FGF14: variants seen among roughly 807,000 people sequenced by gnomAD.
FGF14 encodes fibroblast growth factor homologous factor 4.
In FGF14, 5 loss-of-function variants were observed where a neutral mutation model predicts 25.5. That is an observed-to-expected ratio of 0.20 (90% CI 0.10 to 0.41). The LOEUF (loss-of-function observed/expected upper bound fraction) is 0.41. FGF14 is among the 10% of genes least tolerant of loss of function. FGF14 has a pLI of 1.00. For synonymous variants in FGF14, 138 were observed against 118.3 expected, an observed-to-expected ratio of 1.17 and a Z score of -1.08; for missense variants, 222 against 320.1, an observed-to-expected ratio of 0.69 and a Z score of 2.34.
intron 1 of FGF14, among the ~76,000 whole-genome samples, chr13:101,986,938 G>A (rs2038615441): frequency 6.8e-6 from 1 of 148,026 alleles, no homozygotes; most frequent in Non-Finnish European, 1.5e-5. Context: ...GTATGTGCAT[G>A]CACACACACA....
intron 1 of FGF14, among the ~76,000 whole-genome samples, chr13:101,965,675 G>GTTTT (rs201323636): frequency 3.5e-5 from 5 of 143,646 alleles, no homozygotes; most frequent in African/African-American, 1.0e-4. Context: ...TTTTGTGTTA[G>GTTTT]TTTTTTTTTT....
At chr13:101,816,553 G>A (rs1030046911) in intron 3 of FGF14, among the ~76,000 whole-genome samples, 1 of 152,014 alleles carries the variant, frequency 6.6e-6, no homozygotes, top group African/African-American at 2.4e-5. Flanking sequence ...CAGCTACAGA[G>A]ATCTGAAAAA....
intron 1 of FGF14, among the ~76,000 whole-genome samples, chr13:102,129,164 C>G (rs1290314751): frequency 6.6e-6 from 1 of 152,072 alleles, no homozygotes; most frequent in Non-Finnish European, 1.5e-5. Flanking sequence ...GCAGGAGAAT[C>G]ACTTGAACTC....
chr13:101,944,793 C>A (rs1041303604), intron 1 of FGF14, among the ~76,000 whole-genome samples: 2 of 152,136 alleles, frequency 1.3e-5, no homozygotes, highest in Non-Finnish European at 2.9e-5. Flanking sequence ...CACAATAGAA[C>A]AAATATTGAA....
intron 1 of FGF14, among the ~76,000 whole-genome samples, chr13:102,277,647 G>A (rs1024231737): frequency 1.3e-5 from 2 of 152,210 alleles, no homozygotes; most frequent in Non-Finnish European, 2.9e-5. Flanking sequence ...CCCAGGAGAG[G>A]GAAGACTTTT....
intron 1 of FGF14, among the ~76,000 whole-genome samples, chr13:102,044,821 C>T (rs955582650): frequency 1.3e-5 from 2 of 152,084 alleles, no homozygotes; most frequent in Non-Finnish European, 2.9e-5. Flanking sequence ...TTTTATTTGG[C>T]CAGATGCATG....
At chr13:101,867,255 T>C (rs55838826) in intron 3 of FGF14, among the ~76,000 whole-genome samples, 3 of 152,242 alleles carry the variant, frequency 2.0e-5, no homozygotes, top group Non-Finnish European at 2.9e-5. Flanking sequence ...CTAAGACACA[T>C]ACTCAAAATG....
chr13:102,316,678 T>C (rs2056039566), intron 1 of FGF14, among the ~76,000 whole-genome samples: 1 of 152,194 alleles, frequency 6.6e-6, no homozygotes, highest in African/African-American at 2.4e-5. Context: ...TTACAAATAT[T>C]GGCGTGTAGT....
intron 1 of FGF14, among the ~76,000 whole-genome samples, chr13:102,175,458 T>G (rs1238199495): frequency 1.3e-5 from 2 of 152,104 alleles, no homozygotes; most frequent in East Asian, 3.9e-4. Flanking sequence ...ATTAAAGGTT[T>G]AAATGTTAAG....
At chr13:102,096,017 A>AT (rs1555356808) in intron 1 of FGF14, among the ~76,000 whole-genome samples, 1 of 144,188 alleles carries the variant, frequency 6.9e-6, no homozygotes, top group Non-Finnish European at 1.5e-5. Flanking sequence ...ATATATATAT[A>AT]ATATATTTCT....
intron 1 of FGF14, among the ~76,000 whole-genome samples, chr13:102,284,429 G>A (rs747825779): frequency 8.6e-5 from 13 of 151,928 alleles, no homozygotes; most frequent in Non-Finnish European, 1.6e-4. Flanking sequence ...CATTAGTAAA[G>A]TTTACTTTGG....
rs1286899861 is a variant in FGF14, at chr13:102,043,417, C to T, written c.209-168121G>A. Among the ~76,000 whole-genome samples, 19 of 152,236 alleles carry T rather than the reference C, an allele frequency of 1.2e-4. 1 individual carries two copies. Among genetic ancestry groups the T allele is most frequent in the Non-Finnish European group, 1.8e-4 (12 of 68,016 alleles). On this transcript the variant is annotated intron_variant, in intron 1 of 4. Coordinates refer to the FGF14 transcript ENST00000376131. ...CTGTCAAACAACAGGTTTCATCCAA[C>T]GCTTACTCTAGGCCAGATACTTTGC...
intron 1 of FGF14, among the ~76,000 whole-genome samples, chr13:102,060,452 G>T (rs1039247863): frequency 6.6e-6 from 1 of 152,164 alleles, no homozygotes; most frequent in Non-Finnish European, 1.5e-5. Context: ...CATGAACCCG[G>T]GGGGCAGAGC....
chr13:102,066,665 TTC>T (rs1384996077), intron 1 of FGF14, among the ~76,000 whole-genome samples: 1 of 152,232 alleles, frequency 6.6e-6, no homozygotes, highest in Non-Finnish European at 1.5e-5. Flanking sequence ...AAGGAAGTAT[TTC>T]TCTTCACATA....
intron 1 of FGF14, among the ~76,000 whole-genome samples, chr13:102,001,110 G>A (rs929353501): frequency 1.3e-5 from 2 of 152,198 alleles, no homozygotes; most frequent in South Asian, 2.1e-4. Flanking sequence ...AAGATCTAAA[G>A]TATTAAATGT....
chr13:102,023,565 A>G (rs1595028426), intron 1 of FGF14, among the ~76,000 whole-genome samples: 1 of 152,052 alleles, frequency 6.6e-6, no homozygotes, highest in East Asian at 1.9e-4. Context: ...TCATCACAAA[A>G]AGAAACTACA....
At chr13:101,858,551 C>T (rs1335374729) in intron 3 of FGF14, among the ~76,000 whole-genome samples, 1 of 151,948 alleles carries the variant, frequency 6.6e-6, no homozygotes, top group East Asian at 1.9e-4. Context: ...TTTGAAACTC[C>T]TTACATATAA....
chr13:101,752,344 A>T (rs1290764025), intron 3 of FGF14, among the ~76,000 whole-genome samples: 6 of 152,226 alleles, frequency 3.9e-5, no homozygotes. Flanking sequence ...AGAAGAATGA[A>T]ATAGTTAGAA....
intron 1 of FGF14, among the ~76,000 whole-genome samples, chr13:102,297,327 G>T (rs1396570180): frequency 2.6e-5 from 4 of 152,108 alleles, no homozygotes; most frequent in Non-Finnish European, 5.9e-5. Flanking sequence ...CCCCTAAAAA[G>T]ACAGACGACT....
Sources: gnomAD v4.1 joint callset for allele counts (sites outside exome capture counted in the v4.1 genomes callset) on GRCh38, gnomAD v4.1.1 for gene constraint, MANE v1.5 for transcripts, NCBI Gene and HGNC (gene_info 2026-07-23, HGNC 2026-07-21) for gene names.